Variants in TANC2 observed in about 807,000 individuals in gnomAD.
TANC2 encodes tetratricopeptide repeat, ankyrin repeat and coiled-coil containing 2, also known as protein TANC2.
In TANC2, 26 loss-of-function variants were observed where a neutral mutation model predicts 210.5. That is an observed-to-expected ratio of 0.12 (90% confidence interval 0.09 to 0.17). TANC2 has a LOEUF of 0.17. TANC2 is among the 10% of genes least tolerant of loss of function. The pLI, the probability that TANC2 is intolerant of heterozygous loss-of-function variation, is 1.00. For missense variants in TANC2, 2,129 were observed against 2,608.9 expected (o/e 0.82, Z 4.01); for synonymous variants, 931 against 967.1 (o/e 0.96, Z 0.69).
rs574965991 is a variant in TANC2 at position 63,107,406 on chromosome 17, G to A, written c.322+8049G>A. ...AAAAAAGTTTTATTTGATATTTTAT[G>A]CAGATACAATTCATGAAGTAGATGT... On this transcript the variant is annotated intron_variant, in intron 4 of 27. Transcript: ENST00000689528. 6.0e-4 allele frequency among the ~76,000 whole-genome samples: 91 copies of A among 151,718 alleles called. 4 individuals are homozygous for A. The highest frequency in any genetic ancestry group is 2.1e-3 in the African/African-American group (86 of 41,090).
At chr17:63,166,080 A>G (rs767237317) in intron 5 of TANC2, among the ~76,000 whole-genome samples, 59 of 152,188 alleles carry the variant, frequency 3.9e-4, no homozygotes, top group Non-Finnish European at 7.6e-4. Context: ...GCCAGGAAAC[A>G]CTAGTGCAAG....
chr17:63,169,308 A>G lies in TANC2; in HGVS notation c.433+17928A>G, dbSNP rs544209333. Among the ~76,000 whole-genome samples the G allele has an allele frequency of 4.6e-5, 7 of 152,196 alleles. No homozygotes were observed. In the South Asian group the frequency reaches 1.5e-3, roughly 32 times the overall value. ...TATTTTCATGCCCCTAATTATTTGT[A>G]TATGTTAGATTCAGTATTTGGAAAT... is the stretch of plus-strand genomic sequence containing the variant. On this transcript the variant is annotated intron_variant, in intron 5 of 27. Coordinates refer to ENST00000689528, the Ensembl canonical transcript of TANC2.
intron 4 of TANC2, among the ~76,000 whole-genome samples, chr17:63,118,013 G>A (rs1234941056): frequency 6.6e-6 from 1 of 152,176 alleles, no homozygotes; most frequent in African/African-American, 2.4e-5. Context: ...GCATTGCAGA[G>A]AAGCCTGTTA....
rs139817074 is a variant in TANC2, at chr17:63,418,429, G to A, written c.4268+22G>A. 1.1e-4 allele frequency: 172 copies of A among 1,598,186 alleles called. No homozygotes were observed. In the East Asian group the frequency reaches 3.7e-3, roughly 34 times the overall value. ...GCAGGTGAGGAGAGAGAGAGAGGGT[G>A]AAAGCAAGAGGTCTCTTTTCTGAAA... On this transcript the variant is annotated intron_variant, in intron 27 of 27. Transcript: ENST00000689528. The surrounding 1 kb of genome is among the most constrained non-coding windows in gnomAD (Gnocchi z 4.6).
At chr17:62,993,408 A>T (rs1220016274) in intron 1 of TANC2, among the ~76,000 whole-genome samples, 1 of 152,222 alleles carries the variant, frequency 6.6e-6, no homozygotes. Flanking sequence ...CTACAGATCA[A>T]TTTGGAGACT....
chr17:63,059,575 C>T (rs2035922320), intron 2 of TANC2, among the ~76,000 whole-genome samples: 1 of 151,648 alleles, frequency 6.6e-6, no homozygotes, highest in South Asian at 2.1e-4. Context: ...TATCCTTTGG[C>T]TATTAGTAAT....
intron 12 of TANC2, among the ~76,000 whole-genome samples, chr17:63,346,103 A>T (rs1384519312): frequency 2.0e-5 from 3 of 152,220 alleles, no homozygotes; most frequent in African/African-American, 7.2e-5. Context: ...TCCTTACTTC[A>T]CACTATACAC....
rs2046785942 is a variant in TANC2, at chr17:63,356,502, C to T, written c.2582+1112C>T. On this transcript the variant is annotated intron_variant, in intron 14 of 27. Transcript: ENST00000689528. Reference sequence around the variant, plus strand: ...TATTGCCCTTCACCGTGTCCTTCACCAGGCCTTATTAGAGACAACTGTACT... The same window carrying T: ...TATTGCCCTTCACCGTGTCCTTCACTAGGCCTTATTAGAGACAACTGTACT... Among the ~76,000 whole-genome samples, 5 of 152,130 alleles carry T rather than the reference C, an allele frequency of 3.3e-5. No individual in the cohort carries two copies. In the South Asian group the frequency reaches 1.0e-3, roughly 32 times the overall value.
At chr17:63,125,633 T>A (rs1269085545) in intron 4 of TANC2, among the ~76,000 whole-genome samples, 1 of 152,062 alleles carries the variant, frequency 6.6e-6, no homozygotes, top group Non-Finnish European at 1.5e-5. Context: ...TCATTGTGAG[T>A]TTATATTACT....
chr17:63,183,333 G>T (rs1437233470), intron 5 of TANC2, among the ~76,000 whole-genome samples: 1 of 152,202 alleles, frequency 6.6e-6, no homozygotes, highest in Non-Finnish European at 1.5e-5. Flanking sequence ...CAGCATGGCA[G>T]CATGAATCTT....
intron 9 of TANC2, among the ~76,000 whole-genome samples, chr17:63,287,553 A>G (rs1166195024): frequency 1.3e-5 from 2 of 152,170 alleles, no homozygotes; most frequent in Admixed American, 1.3e-4. Flanking sequence ...TTATTTGCAG[A>G]CAATATGATC....
chr17:62,992,158 G>A (rs1474097936), intron 1 of TANC2, among the ~76,000 whole-genome samples: 4 of 152,174 alleles, frequency 2.6e-5, no homozygotes, highest in Admixed American at 6.5e-5. Flanking sequence ...TTAAGCATCT[G>A]CAGATTTTGG....
At chr17:63,358,350 A>G (rs559745151) in intron 14 of TANC2, among the ~76,000 whole-genome samples, 5 of 141,572 alleles carry the variant, frequency 3.5e-5, no homozygotes, top group African/African-American at 1.4e-4. Context: ...AGGTGAGTAG[A>G]GTGAGAGAGA....
intron 5 of TANC2, among the ~76,000 whole-genome samples, chr17:63,191,327 C>T (rs962242789): frequency 7.5e-5 from 11 of 146,438 alleles, no homozygotes; most frequent in Admixed American, 2.7e-4. Context: ...TTGCCATTAC[C>T]TTTAATGGTG....
intron 3 of TANC2, among the ~76,000 whole-genome samples, chr17:63,084,529 C>T (rs2036891018): frequency 6.6e-6 from 1 of 151,390 alleles, no homozygotes; most frequent in African/African-American, 2.4e-5. Context: ...TATTTCTTTT[C>T]TTCTGCTTGC....
At chr17:63,074,564 T>G (rs1439947675) in intron 3 of TANC2, among the ~76,000 whole-genome samples, 1 of 152,156 alleles carries the variant, frequency 6.6e-6, no homozygotes, top group Non-Finnish European at 1.5e-5. Flanking sequence ...TCTAACTTAT[T>G]TAACATTGCA....
intron 7 of TANC2, among the ~76,000 whole-genome samples, chr17:63,207,939 T>C (rs1002970797): frequency 1.1e-4 from 16 of 152,224 alleles, no homozygotes; most frequent in African/African-American, 3.9e-4. Context: ...GAAAGTTATC[T>C]AATTGTGATA....
At chr17:63,168,958 C>G (rs1476844966) in intron 5 of TANC2, among the ~76,000 whole-genome samples, 1 of 152,196 alleles carries the variant, frequency 6.6e-6, no homozygotes, top group Non-Finnish European at 1.5e-5. Flanking sequence ...ATCATTTGTT[C>G]TCAGCTATTA....
In TANC2 at chr17:63,015,797, T is replaced by C. The variant is rs2034081564; in HGVS notation, c.67+6171T>C. Among the ~76,000 whole-genome samples the C allele has an allele frequency of 1.3e-5, 2 of 152,040 alleles. 1 individual carries two copies. Among genetic ancestry groups the C allele is most frequent in the African/African-American group, 4.8e-5 (2 of 41,438 alleles). On this transcript the variant is annotated intron_variant, in intron 2 of 27. Transcript: ENST00000689528. ...AATTAAATGAGCTATAAAGAAAATA[T>C]GTTTATATTTTCTAAAAGTTCATAT... is the stretch of plus-strand genomic sequence containing the variant.
Sources: gnomAD v4.1 joint callset for allele counts (sites outside exome capture counted in the v4.1 genomes callset) on GRCh38, gnomAD v4.1.1 for gene constraint, Gnocchi (gnomAD v3.1) non-coding constraint, MANE v1.5 for transcripts, NCBI Gene and HGNC (gene_info 2026-07-23, HGNC 2026-07-21) for gene names.